The following RGS14 variants were observed in gnomAD, a reference collection of about 807,000 sequenced individuals.
The protein encoded by RGS14 is regulator of G protein signaling 14, also known as regulator of G-protein signaling 14.
A neutral mutation model predicts 63.8 loss-of-function variants in RGS14; 33 were observed. The observed-to-expected ratio is 0.52, with a 90% CI of 0.39 to 0.69. RGS14 has a LOEUF of 0.69. Ranked by LOEUF, RGS14 falls within the 30% of genes least tolerant of loss-of-function variation. The pLI is 0.00. For synonymous variants in RGS14, 296 were observed against 320.9 expected, an observed-to-expected ratio of 0.92 and a Z score of 0.83; for missense variants, 739 against 742.9, an observed-to-expected ratio of 0.99 and a Z score of 0.06.
chr5:177,371,159 C>T lies in RGS14; in HGVS notation c.1255-6C>T, dbSNP rs1371561434. 4 of 1,610,408 alleles carry T rather than the reference C, an allele frequency of 2.5e-6. No homozygotes were observed. The highest frequency in any genetic ancestry group is 1.7e-5 in the Admixed American group (1 of 59,808). Reference sequence around the variant, plus strand: ...TGTACCGCGGGCTGCTGACCTCTCCCCACAGCCAGGCGAGAAACAGCCTCT... The same window carrying T: ...TGTACCGCGGGCTGCTGACCTCTCCTCACAGCCAGGCGAGAAACAGCCTCT... On this transcript the variant is annotated splice_region_variant and splice_polypyrimidine_tract_variant and intron_variant, in intron 11 of 14. Coordinates refer to ENST00000408923, the MANE Select transcript of RGS14 (RefSeq NM_006480.5). The surrounding 1 kb of genome is among the most constrained non-coding windows in gnomAD (Gnocchi z 6.1).
At chr5:177,368,119 C>CG in intron 7 of RGS14, 38 bp from the exon 8 acceptor site, 5 of 1,601,278 alleles carry the variant, frequency 3.1e-6, no homozygotes, top group East Asian at 2.2e-5. Context: ...TGGGTGAGGG[C>CG]GGGGGGCTGT....
chr5:177,368,323 C>A, intron 8 of RGS14, 57 bp downstream of exon 8: 1 of 1,520,070 alleles, frequency 6.6e-7, no homozygotes. Context: ...ACTACTCAGG[C>A]CCATTTACGT....
rs1200461635 is a variant in RGS14, at chr5:177,366,533, C to T, written c.247-175C>T. The stretch of plus-strand genomic sequence containing the variant: ...TTCCTTCTCCCTGTCCTTGTCTCTG[C>T]CTCTCATTTTCTCTCCCTGTCTTCA... On this transcript the variant is annotated intron_variant, in intron 3 of 14. Transcript: ENST00000408923. 4 of 792,562 alleles carry T rather than the reference C, an allele frequency of 5.0e-6. No individual in the cohort carries two copies. The African/African-American group carries it at 7.0e-5, about 14-fold the overall frequency. The allele number at this position is 792,562 out of a possible 1,614,324, so 49.1% of individuals were successfully genotyped here. A position where few individuals can be genotyped will look rare whatever the true frequency, so the allele number is the denominator to read the frequency against.
Position 177,368,195 on chromosome 5 carries a change from TCTCAGGGCTCC to T in RGS14, c.783_793del (p.Gly262LeufsTer18). 6.2e-7 allele frequency: 1 copy of T among 1,613,808 alleles called. No homozygotes were observed. Among genetic ancestry groups the T allele is most frequent in the Non-Finnish European group, 8.5e-7 (1 of 1,179,896 alleles). ...TGCAAACGCCGCCTTGCGCCGAGAG[TCTCAGGGCTCC>T]CTCAACTCCTCCGCCAGCCTGGACC... On this transcript the variant is annotated frameshift_variant, in exon 8 of 15. Transcript: ENST00000408923. LOFTEE classifies it high-confidence loss of function.
intron 1 of RGS14, among the ~76,000 whole-genome samples, chr5:177,362,908 G>C (rs767358595): frequency 6.6e-6 from 1 of 152,194 alleles, no homozygotes; most frequent in Admixed American, 6.5e-5. Context: ...TGAAGTGCTG[G>C]CTGGCGCCAG....
At position 177,372,302 on chromosome 5, in the gene RGS14, AG is replaced by A. The variant is rs1175762123; in HGVS notation, c.*229del. 39 of 545,738 alleles carry A rather than the reference AG, an allele frequency of 7.1e-5. No homozygotes were observed. The East Asian group carries it at 1.2e-3, about 16-fold the overall frequency. The allele number at this position is 545,738 out of a possible 1,614,324, so 33.8% of individuals were successfully genotyped here. A position where few individuals can be genotyped will look rare whatever the true frequency, so the allele number is the denominator to read the frequency against. On this transcript the variant is annotated 3_prime_UTR_variant, in exon 15 of 15. Transcript: ENST00000408923. ...AGCTCACCCCCAATCCCTTGCAGCC[AG>A]GCCACAATGGGGGAGGTGAGTCCAG...
At position 177,366,198 on chromosome 5, in the gene RGS14, C is replaced by T. The variant is rs1762087621; in HGVS notation, c.89C>T (p.Pro30Leu). 2 of 1,609,328 alleles carry T rather than the reference C, an allele frequency of 1.2e-6. No individual in the cohort carries two copies. Among genetic ancestry groups the T allele is most frequent in the Non-Finnish European group, 1.7e-6 (2 of 1,178,580 alleles). The change falls in exon 3 of 15, where the codon CCC (proline) becomes CTC (leucine). Residue 30 changes from proline to leucine, a missense_variant. Transcript: ENST00000408923. ...SDGELSSTTG[P>L]QGQGEGRGSS... ...GCAGAGCTGAGCAGCACGACGGGGC[C>T]CCAGGGCCAGGGCGAGGGCCGCGGC...
Position 177,371,659 on chromosome 5 carries a change from C to G in RGS14, c.1498+70C>G. 6.7e-7 allele frequency: 1 copy of G among 1,484,242 alleles called. No individual in the cohort carries two copies. The highest frequency in any genetic ancestry group is 9.4e-7 in the Non-Finnish European group (1 of 1,067,480). The allele number at this position is 1,484,242 out of a possible 1,614,324, so 91.9% of individuals were successfully genotyped here. The stretch of plus-strand genomic sequence containing the variant: ...GGTTGGGGACCATTCAGGGTGGCAT[C>G]AGAGAGCCTTGAGCTAAGGCAGGGG... On this transcript the variant is annotated intron_variant, in intron 14 of 14. Coordinates refer to ENST00000408923, the MANE Select transcript of RGS14 (RefSeq NM_006480.5). This position sits in a 1 kb window ranked among gnomAD's most constrained non-coding sequence, Gnocchi z 6.1.
rs750586790 is a variant in RGS14, at chr5:177,365,998, T to A, written c.67+14T>A. 2 of 1,613,460 alleles carry A rather than the reference T, an allele frequency of 1.2e-6. No individual in the cohort carries two copies. The highest frequency in any genetic ancestry group is 2.7e-5 in the African/African-American group (2 of 74,858). ...TGTCAGATGGAGGTAAGTGACAGAA[T>A]GTGTGGAGAACTGGCTGAGTGGGAG... On this transcript the variant is annotated intron_variant, in intron 2 of 14. Coordinates refer to ENST00000408923, the MANE Select transcript of RGS14 (RefSeq NM_006480.5).
At chr5:177,369,130 TGTG>T in intron 9 of RGS14, 1 of 598,696 alleles carries the variant, frequency 1.7e-6, no homozygotes, top group Non-Finnish European at 3.0e-6. Context: ...ATCATCCTAT[TGTG>T]GTGACCTTAG....
At chr5:177,367,061 T>C in intron 5 of RGS14, 27 bp downstream of exon 5, 1 of 1,585,534 alleles carries the variant, frequency 6.3e-7, no homozygotes, top group Non-Finnish European at 8.6e-7. Flanking sequence ...GGATTGGCCT[T>C]GAAAGGGAGA....
rs1360960856 is a variant in RGS14, at chr5:177,367,494, C to G, written c.564C>G (p.Ala188=). The change falls in exon 6 of 15, where the codon GCC becomes GCG. Residue 188 remains alanine, a synonymous_variant. Transcript: ENST00000408923. ...ACCGCGAGTGCCTGCTAGCCGAAGC[C>G]GAGGGACGCCCTCTGCGGGAACCTG... ...PLYRECLLAE[A]EGRPLREPGS... is the part of the protein sequence containing the mutation. 1.4e-5 allele frequency: 22 copies of G among 1,612,616 alleles called. No homozygotes were observed. The highest frequency in any genetic ancestry group is 6.7e-5 in the Admixed American group (4 of 59,890).
chr5:177,371,440 CT>C lies in RGS14; in HGVS notation c.1384-34del. The C allele has an allele frequency of 6.2e-7, 1 of 1,614,178 alleles. No individual in the cohort carries two copies. Among genetic ancestry groups the C allele is most frequent in the Non-Finnish European group, 8.5e-7 (1 of 1,179,992 alleles). ...GCCTCTTCCACCCTCTGCTTCTCCC[CT>C]CCCGATTTTGGCTCTGACCCCAAAT... On this transcript the variant is annotated intron_variant, in intron 13 of 14. Coordinates refer to ENST00000408923, the MANE Select transcript of RGS14 (RefSeq NM_006480.5). This position sits in a 1 kb window ranked among gnomAD's most constrained non-coding sequence, Gnocchi z 6.1.
At position 177,367,504 on chromosome 5, in the gene RGS14, C is replaced by T. The variant is rs779256850; in HGVS notation, c.574C>T (p.Pro192Ser). Residue 192 changes from proline (P) to serine (S), a missense_variant, in exon 6 of 15, where the codon CCT becomes TCT. Pro to Ser is a moderately conservative substitution (Grantham distance 74). Coordinates refer to ENST00000408923, the MANE Select transcript of RGS14 (RefSeq NM_006480.5). ...ECLLAEAEGRPLREPGSSRLG... is the reference protein window; with the variant it reads ...ECLLAEAEGRSLREPGSSRLG... ...CCTGCTAGCCGAAGCCGAGGGACGCCCTCTGCGGGAACCTGGCTCCTCGCG... is the reference window on the plus strand; with the variant it reads ...CCTGCTAGCCGAAGCCGAGGGACGCTCTCTGCGGGAACCTGGCTCCTCGCG... The T allele has an allele frequency of 1.2e-6, 2 of 1,612,522 alleles. No homozygotes were observed. Among genetic ancestry groups the T allele is most frequent in the Admixed American group, 3.3e-5 (2 of 59,894 alleles).
chr5:177,367,328 G>C, intron 5 of RGS14, 86 bp from the exon 6 acceptor site: 1 of 1,472,810 alleles, frequency 6.8e-7, no homozygotes, highest in South Asian at 1.3e-5. Flanking sequence ...TTGGGGCGGG[G>C]CCAGCCCCAA....
In RGS14 at chr5:177,368,859, T is replaced by A; in HGVS notation, c.992T>A (p.Ile331Asn). 1 of 1,614,128 alleles carries A rather than the reference T, an allele frequency of 6.2e-7. No homozygotes were observed. Among genetic ancestry groups the A allele is most frequent in the Non-Finnish European group, 8.5e-7 (1 of 1,180,006 alleles). ...GLTIRDMLAG[I>N]CEKRGLSLPD... ...ACCATCCGAGACATGCTGGCAGGGA[T>A]CTGTGAGAAACGAGGCCTCTCTCTA... Residue 331 changes from isoleucine to asparagine, a missense_variant, in exon 9 of 15, where the codon ATC becomes AAC. By Grantham distance (149) the Ile-to-Asn change is moderately radical. Transcript: ENST00000408923.
At chr5:177,367,880 T>A in intron 7 of RGS14, 55 bp downstream of exon 7, 1 of 1,490,342 alleles carries the variant, frequency 6.7e-7, no homozygotes, top group South Asian at 1.4e-5. Context: ...TTGGTTAAAT[T>A]TGGGGAGTGC....
chr5:177,361,213 C>G (rs563905158), intron 1 of RGS14, among the ~76,000 whole-genome samples: 1 of 152,170 alleles, frequency 6.6e-6, no homozygotes, highest in Non-Finnish European at 1.5e-5. Context: ...GGGGTCATCT[C>G]CACAGGCTGG....
intron 1 of RGS14, among the ~76,000 whole-genome samples, chr5:177,363,374 A>G (rs1274226015): frequency 1.3e-5 from 2 of 151,724 alleles, no homozygotes; most frequent in Admixed American, 6.6e-5. Flanking sequence ...CGCGCTCTGC[A>G]CTAACTCGCT....
Sources: gnomAD v4.1 joint callset for allele counts (sites outside exome capture counted in the v4.1 genomes callset) on GRCh38, gnomAD v4.1.1 for gene constraint, Gnocchi (gnomAD v3.1) non-coding constraint, MANE v1.5 for transcripts, NCBI Gene and HGNC (gene_info 2026-07-23, HGNC 2026-07-21) for gene names.